Variants in OR51B5 observed in about 807,000 individuals in gnomAD.
The protein encoded by OR51B5 is olfactory receptor family 51 subfamily B member 5.
For synonymous variants in OR51B5, 186 were observed against 144.8 expected (o/e 1.28, Z -2.04); for missense variants, 456 against 374.6 (o/e 1.22, Z -1.79).
intron 1 of OR51B5, chr11:5,402,887 T>C: frequency 2.1e-6 from 1 of 471,404 alleles, no homozygotes; most frequent in South Asian, 1.5e-5. Flanking sequence ...AAATTAGTCT[T>C]GAAGCTTGTC....
chr11:5,368,235 T>C (rs1422916713), intron 1 of OR51B5, among the ~76,000 whole-genome samples: 1 of 152,262 alleles, frequency 6.6e-6, no homozygotes, highest in East Asian at 1.9e-4. Context: ...TACAGTCTTA[T>C]GCAGTAGTTT....
At chr11:5,341,284 A>G (rs1426276576), downstream of OR51B5, 2 of 151,970 alleles carry the variant, frequency 1.3e-5, no homozygotes, top group East Asian at 3.9e-4. Context: ...GAGGGTCAGT[A>G]TTTGCCTATG....
At chr11:5,418,419 A>T (rs1008770979) in intron 1 of OR51B5, among the ~76,000 whole-genome samples, 2 of 150,348 alleles carry the variant, frequency 1.3e-5, no homozygotes, top group Non-Finnish European at 3.0e-5. Flanking sequence ...AATAAAAACA[A>T]AACAAAACAA....
At chr11:5,418,313 A>G (rs1589985510) in intron 1 of OR51B5, among the ~76,000 whole-genome samples, 1 of 151,996 alleles carries the variant, frequency 6.6e-6, no homozygotes, top group Non-Finnish European at 1.5e-5. Flanking sequence ...CTAGATGACG[A>G]GTTAGTGGGT....
chr11:5,450,601 C>T (rs1038260471), intron 1 of OR51B5, among the ~76,000 whole-genome samples: 5 of 152,132 alleles, frequency 3.3e-5, no homozygotes, highest in African/African-American at 1.2e-4. Flanking sequence ...AATTTGTGTT[C>T]AGCCTTGGAG....
At chr11:5,471,817 C>G (rs1446515728) in intron 1 of OR51B5, among the ~76,000 whole-genome samples, 1 of 151,994 alleles carries the variant, frequency 6.6e-6, no homozygotes, top group Non-Finnish European at 1.5e-5. Context: ...ACTTAGCTTC[C>G]TCACGTCTTA....
chr11:5,342,338 T>C (rs1452683486), downstream of OR51B5, among the ~76,000 whole-genome samples: 1 of 152,238 alleles, frequency 6.6e-6, no homozygotes, highest in East Asian at 1.9e-4. Context: ...TAAGGTATTG[T>C]TATCACAATA....
chr11:5,433,151 T>C (rs1399996722), intron 1 of OR51B5, among the ~76,000 whole-genome samples: 2 of 152,186 alleles, frequency 1.3e-5, no homozygotes, highest in Non-Finnish European at 2.9e-5. Flanking sequence ...ATCAAAGATG[T>C]AGTGGCTTCT....
chr11:5,353,101 G>A (rs970717224), intron 1 of OR51B5, among the ~76,000 whole-genome samples: 1 of 151,784 alleles, frequency 6.6e-6, no homozygotes. Context: ...AAAATTGCAC[G>A]TGAAGAAATG....
At chr11:5,389,362 A>T in intron 1 of OR51B5, 1 of 1,588,496 alleles carries the variant, frequency 6.3e-7, no homozygotes, top group Non-Finnish European at 8.6e-7. Context: ...ATTAATAACC[A>T]GAAATATCCA....
chr11:5,383,542 A>C (rs903403305), intron 1 of OR51B5, among the ~76,000 whole-genome samples: 2 of 152,236 alleles, frequency 1.3e-5, no homozygotes, highest in Non-Finnish European at 2.9e-5. Flanking sequence ...AAGACAGTAA[A>C]TAAAATGATA....
At chr11:5,469,041 T>A (rs1851183247) in intron 1 of OR51B5, 1 of 291,824 alleles carries the variant, frequency 3.4e-6, no homozygotes, top group Admixed American at 4.7e-5. Context: ...GGGTTACAGA[T>A]GGCCACATAG....
At chr11:5,389,657 G>GCCCACCACTATGGGGT in intron 1 of OR51B5, 1 of 1,613,636 alleles carries the variant, frequency 6.2e-7, no homozygotes, top group Non-Finnish European at 8.5e-7. Context: ...GGGGCTGTGT[G>GCCCACCACTATGGGGT]TGTCCACGTT....
chr11:5,441,036 G>A, intron 1 of OR51B5: 1 of 1,613,962 alleles, frequency 6.2e-7, no homozygotes, highest in Middle Eastern at 1.7e-4. Context: ...AAAAGGGAAA[G>A]GGAAGAGAGT....
intron 1 of OR51B5, among the ~76,000 whole-genome samples, chr11:5,442,774 C>T (rs1299996031): frequency 3.3e-5 from 5 of 152,104 alleles, no homozygotes; most frequent in African/African-American, 1.2e-4. Flanking sequence ...TTCCACACTC[C>T]CCTCCTCTGA....
At chr11:5,492,041 A>G (rs747971786) in intron 1 of OR51B5, among the ~76,000 whole-genome samples, 3 of 152,192 alleles carry the variant, frequency 2.0e-5, no homozygotes, top group Non-Finnish European at 4.4e-5. Flanking sequence ...CCTATTAGGT[A>G]AATTTGTTCC....
At chr11:5,342,221 C>T (rs750996395), downstream of OR51B5, among the ~76,000 whole-genome samples, 26 of 152,132 alleles carry the variant, frequency 1.7e-4, no homozygotes, top group African/African-American at 6.3e-4. Flanking sequence ...CCATTTCACT[C>T]GAACCAACTA....
At chr11:5,350,093 G>T (rs1849054241) in intron 1 of OR51B5, among the ~76,000 whole-genome samples, 1 of 152,094 alleles carries the variant, frequency 6.6e-6, no homozygotes, top group Non-Finnish European at 1.5e-5. Context: ...GAGAAAGGAG[G>T]TACTTCTCTG....
intron 1 of OR51B5, among the ~76,000 whole-genome samples, chr11:5,424,668 T>C (rs1357656861): frequency 6.6e-6 from 1 of 151,846 alleles, no homozygotes; most frequent in East Asian, 1.9e-4. Flanking sequence ...CTGCCTCCTG[T>C]CTCTGTAAGT....
Sources: allele counts gnomAD v4.1 joint callset (sites outside exome capture counted in the v4.1 genomes callset), GRCh38; gene constraint gnomAD v4.1.1; transcripts MANE v1.5; gene names NCBI Gene and HGNC (gene_info 2026-07-23, HGNC 2026-07-21).